Variants in HMGA2 observed in about 807,000 individuals in gnomAD.
HMGA2 encodes the protein high mobility group protein HMGI-C.
Under a neutral mutation model 19.1 loss-of-function variants are expected in HMGA2, and 8 were observed. The observed-to-expected ratio is 0.42, with a 90% CI of 0.25 to 0.76. The LOEUF (loss-of-function observed/expected upper bound fraction) is 0.76, where lower values mean the gene tolerates loss of function less well. Among genes scored for constraint, HMGA2 ranks in the 30% least tolerant of loss-of-function variants. HMGA2 has a pLI of 0.28. For synonymous variants in HMGA2, 60 were observed against 48.8 expected, an observed-to-expected ratio of 1.23 and a Z score of -0.96; for missense variants, 109 against 136.3, an observed-to-expected ratio of 0.80 and a Z score of 1.00.
At chr12:65,915,146 G>C (rs1875034623) in intron 3 of HMGA2, 10 of 1,613,256 alleles carry the variant, frequency 6.2e-6, no homozygotes, top group Non-Finnish European at 8.5e-6. Flanking sequence ...CATTGGAGGA[G>C]TCCAGGATAG....
At chr12:65,889,409 C>T (rs746417319) in intron 3 of HMGA2, among the ~76,000 whole-genome samples, 2 of 152,110 alleles carry the variant, frequency 1.3e-5, no homozygotes, top group Non-Finnish European at 2.9e-5. Flanking sequence ...ACAGAGGACC[C>T]TTTGTAGTAA....
intron 3 of HMGA2, among the ~76,000 whole-genome samples, chr12:65,875,741 G>A (rs1287707718): frequency 6.6e-6 from 1 of 151,648 alleles, no homozygotes; most frequent in Admixed American, 6.6e-5. Flanking sequence ...GTAAGCCACT[G>A]TGCCCGGCCT....
chr12:65,877,278 T>A (rs1873095051), intron 3 of HMGA2: 1 of 152,242 alleles, frequency 6.6e-6, no homozygotes, highest in Non-Finnish European at 1.5e-5. Context: ...TGCTGGCTGC[T>A]GCAGCAGCAG....
chr12:65,861,573 C>A (rs1872070025), intron 3 of HMGA2, among the ~76,000 whole-genome samples: 1 of 146,356 alleles, frequency 6.8e-6, no homozygotes, highest in Non-Finnish European at 1.5e-5. Flanking sequence ...CAAAATATTG[C>A]ATTGGTAGTT....
chr12:65,960,188 C>T (rs553866738), intron 4 of HMGA2, among the ~76,000 whole-genome samples: 2 of 152,304 alleles, frequency 1.3e-5, no homozygotes, highest in East Asian at 3.9e-4. Context: ...CATACCTGGC[C>T]CCATCCATGT....
intron 3 of HMGA2, chr12:65,881,325 A>G (rs1873372722): frequency 5.4e-6 from 1 of 185,586 alleles, no homozygotes; most frequent in African/African-American, 2.3e-5. Flanking sequence ...TGTCCTTTTG[A>G]CAGCTCGGCT....
chr12:65,834,632 T>C (rs1401788644), intron 2 of HMGA2, among the ~76,000 whole-genome samples: 2 of 148,502 alleles, frequency 1.3e-5, no homozygotes, highest in African/African-American at 2.5e-5. Flanking sequence ...GCCTCTCTCT[T>C]TGCCTCCCTC....
chr12:65,939,513 A>C (rs1876014196), intron 3 of HMGA2, among the ~76,000 whole-genome samples: 1 of 151,770 alleles, frequency 6.6e-6, no homozygotes, highest in African/African-American at 2.4e-5. Context: ...CCACCACCAC[A>C]CCTGGCTAAT....
Position 65,946,030 on chromosome 12 carries a change from T to A in HMGA2, c.250-5353T>A, listed in dbSNP as rs185127349. Among the ~76,000 whole-genome samples the A allele has an allele frequency of 6.2e-4, 94 of 152,322 alleles. 1 individual carries two copies. The highest frequency in any genetic ancestry group is 3.4e-3 in the Middle Eastern group (1 of 294). On this transcript the variant is annotated intron_variant, in intron 3 of 4. Coordinates refer to ENST00000403681, the MANE Select transcript of HMGA2 (RefSeq NM_003483.6). ...CGTAAACATTTTTAATATGACACCA[T>A]ATTTAACTTAAAATTTTAAATAACA...
chr12:65,875,625 T>TTTTTTTTTTTTTTTTTG (rs1872970666), intron 3 of HMGA2, among the ~76,000 whole-genome samples: 1 of 110,606 alleles, frequency 9.0e-6, no homozygotes, highest in Non-Finnish European at 1.7e-5. Context: ...TTTTTTTTTT[T>TTTTTTTTTTTTTTTTTG]TTTTTAGTAA....
chr12:65,824,714 TCTCTCTC>T lies in HMGA2; in HGVS notation c.-556_-550del. 1 of 12,830 alleles carries T rather than the reference TCTCTCTC, an allele frequency of 7.8e-5. No individual in the cohort carries two copies. The highest frequency in any genetic ancestry group is 2.0e-4 in the Non-Finnish European group (1 of 5,054). 0.8% of individuals were successfully genotyped at this position (12,830 alleles called of 1,614,324 possible). ...CAAGGCACTTTCAATCTCAATCTCT[TCTCTCTC>T]TCTCTCTCTCTCTCTCTCTCTCTCT... On this transcript the variant is annotated 5_prime_UTR_variant, in exon 1 of 5. Transcript: ENST00000403681.
intron 3 of HMGA2, among the ~76,000 whole-genome samples, chr12:65,849,215 T>C (rs1445163888): frequency 6.6e-6 from 1 of 152,208 alleles, no homozygotes. Context: ...GCCATTATTC[T>C]CTCAGGTAGT....
intron 3 of HMGA2, among the ~76,000 whole-genome samples, chr12:65,932,819 G>C (rs572374584): frequency 6.6e-6 from 1 of 152,316 alleles, no homozygotes; most frequent in South Asian, 2.1e-4. Flanking sequence ...CAGGTCTACT[G>C]TCTACAAAAT....
chr12:65,922,186 C>G (rs1471511928), intron 3 of HMGA2, among the ~76,000 whole-genome samples: 1 of 152,144 alleles, frequency 6.6e-6, no homozygotes, highest in African/African-American at 2.4e-5. Flanking sequence ...GTCACCATCC[C>G]CCAGGCCCCA....
intron 3 of HMGA2, among the ~76,000 whole-genome samples, chr12:65,850,721 TTTTTTA>T (rs1345891335): frequency 6.6e-6 from 1 of 152,200 alleles, no homozygotes; most frequent in Non-Finnish European, 1.5e-5. Flanking sequence ...TTTTATTTAT[TTTTTTA>T]TTTTTGAGTC....
chr12:65,897,247 CTTAG>C (rs909795248), intron 3 of HMGA2, among the ~76,000 whole-genome samples: 10 of 152,194 alleles, frequency 6.6e-5, no homozygotes, highest in African/African-American at 2.4e-4. Context: ...CAGTTACACT[CTTAG>C]TTATTTTTTA....
intron 3 of HMGA2, among the ~76,000 whole-genome samples, chr12:65,866,060 A>T (rs905967330): frequency 5.3e-5 from 8 of 152,180 alleles, no homozygotes; most frequent in African/African-American, 1.2e-4. Flanking sequence ...CTTTGTGTCT[A>T]AGGAGGGTGG....
intron 3 of HMGA2, chr12:65,934,812 G>A (rs539995839): frequency 8.5e-5 from 13 of 152,338 alleles, no homozygotes; most frequent in Non-Finnish European, 1.3e-4. Flanking sequence ...CCCTGCATGA[G>A]TGGTGAGTAT....
intron 3 of HMGA2, chr12:65,867,545 C>T: frequency 4.4e-6 from 2 of 451,906 alleles, no homozygotes. Context: ...AAAACCGTAT[C>T]CTCATGATAC....
Sources: gnomAD v4.1 joint callset for allele counts (sites outside exome capture counted in the v4.1 genomes callset) on GRCh38, gnomAD v4.1.1 for gene constraint, MANE v1.5 for transcripts, NCBI Gene and HGNC (gene_info 2026-07-23, HGNC 2026-07-21) for gene names.